The following KRT6A variants were observed in gnomAD, a reference collection of about 807,000 sequenced individuals.
KRT6A encodes the protein keratin 6A, also known as keratin, type II cytoskeletal 6A.
In KRT6A, 28 loss-of-function variants were observed where a neutral mutation model predicts 48.6. The observed-to-expected ratio is 0.58, with a 90% CI of 0.43 to 0.79. The LOEUF (loss-of-function observed/expected upper bound fraction) is 0.79. Ranked by LOEUF, KRT6A falls within the 30% of genes least tolerant of loss-of-function variation. The pLI, the probability that KRT6A is intolerant of heterozygous loss-of-function variation, is 0.00. For missense variants in KRT6A, 687 were observed against 724.3 expected (o/e 0.95, Z 0.59); for synonymous variants, 301 against 294.2 (o/e 1.02, Z -0.24).
At chr12:52,488,963 G>A (rs1489178596) in intron 6 of KRT6A, among the ~76,000 whole-genome samples, 1 of 152,180 alleles carries the variant, frequency 6.6e-6, no homozygotes, top group Non-Finnish European at 1.5e-5. Flanking sequence ...ACATGAGACT[G>A]CTGAGACCTT....
intron 1 of KRT6A, 112 bp from the exon 2 acceptor site, chr12:52,491,848 T>C (rs1387182598): frequency 1.0e-5 from 14 of 1,383,584 alleles, no homozygotes; most frequent in Admixed American, 3.9e-5. Flanking sequence ...GCTACTACAG[T>C]GCATGTAGAG....
rs752406296 is a variant in KRT6A at position 52,489,934 on chromosome 12, T to C, written c.1203+9A>G. The C allele has an allele frequency of 1.2e-5, 19 of 1,614,008 alleles. No individual in the cohort carries two copies. Among genetic ancestry groups the C allele is most frequent in the Non-Finnish European group, 1.5e-5 (18 of 1,180,022 alleles). Reference sequence around the variant, plus strand: ...AAATGCTTCTCTCCTCCATTGTCCCTCACCATACCTGCTTCTTGACGTGGT... The same window carrying C: ...AAATGCTTCTCTCCTCCATTGTCCCCCACCATACCTGCTTCTTGACGTGGT... On this transcript the variant is annotated intron_variant, in intron 6 of 8. Transcript: ENST00000330722.
chr12:52,487,869 A>T lies in KRT6A; in HGVS notation c.1546T>A (p.Ser516Thr). ...GLGLGGGSSY[S>T]YGSGLGVGGG... The stretch of plus-strand genomic sequence containing the variant: ...CCAACGCCAAGACCACTGCCATAGG[A>T]GTAGCTGCTTCCTCCACCCAGGCCT... The change falls in exon 9 of 9, where the codon TCC (serine) becomes ACC (threonine). Residue 516 changes from serine to threonine, a missense_variant. Physicochemically the swap from Ser to Thr is moderately conservative, Grantham distance 58. This residue lies in a region of KRT6A where 566 missense variants were observed against 565.3 expected (regional missense o/e 1.00). Coordinates refer to ENST00000330722, the MANE Select transcript of KRT6A (RefSeq NM_005554.4). The T allele has an allele frequency of 6.2e-7, 1 of 1,614,016 alleles. No individual in the cohort carries two copies. Among genetic ancestry groups the T allele is most frequent in the African/African-American group, 1.3e-5 (1 of 75,050 alleles).
rs778160585 is a variant in KRT6A at position 52,493,102 on chromosome 12, G to T, written c.87C>A (p.Ser29Arg). ...SANSARLPGV[S>R]RSGFSSVSVS... is the part of the protein sequence containing the mutation. Reference sequence around the variant, plus strand: ...CGGAGACGCTGCTGAAGCCAGAGCGGCTGACCCCAGGGAGCCTGGCTGAGT... The same window carrying T: ...CGGAGACGCTGCTGAAGCCAGAGCGTCTGACCCCAGGGAGCCTGGCTGAGT... The change falls in exon 1 of 9, where the codon AGC becomes AGA. Residue 29 changes from serine to arginine, a missense_variant. Physicochemically the swap from Ser to Arg is moderately radical, Grantham distance 110. Transcript: ENST00000330722. The T allele has an allele frequency of 5.1e-5, 82 of 1,613,838 alleles. 1 individual carries two copies. In the Middle Eastern group the frequency reaches 1.0e-3, roughly 20 times the overall value.
intron 4 of KRT6A, 37 bp from the exon 5 acceptor site, chr12:52,490,770 C>A: frequency 2.5e-6 from 4 of 1,614,040 alleles, no homozygotes; most frequent in Non-Finnish European, 3.4e-6. Context: ...ACTTCACTTC[C>A]GATATTTACA....
chr12:52,488,706 T>G (rs1478782693), intron 6 of KRT6A, among the ~76,000 whole-genome samples, 158 bp from the exon 7 acceptor site: 1 of 152,114 alleles, frequency 6.6e-6, no homozygotes, highest in East Asian at 1.9e-4. Flanking sequence ...ATTTTGCAGT[T>G]TTTGTCCAGT....
chr12:52,491,524 G>A lies in KRT6A; in HGVS notation c.753C>T (p.Asn251=), dbSNP rs1268066583. 6.2e-7 allele frequency: 1 copy of A among 1,614,120 alleles called. No homozygotes were observed. Among genetic ancestry groups the A allele is most frequent in the Non-Finnish European group, 8.5e-7 (1 of 1,180,006 alleles). The change falls in exon 2 of 9, where the codon AAC becomes AAT. Residue 251 remains asparagine (N), a splice_region_variant and synonymous_variant. Transcript: ENST00000330722. The part of the protein sequence containing the change: ...GMQDLVEDFK[N]KYEDEINKRT... ...TCCATTTCTCCTGTTTAACTCACTT[G>A]TTCTTGAAGTCCTCCACCAGGTCCT...
At position 52,491,635 on chromosome 12, in the gene KRT6A, G is replaced by C. The variant is rs767532911; in HGVS notation, c.642C>G (p.Phe214Leu). ...TCCTGAGGTTGTTGATGTACTGCTC[G>C]AACAACGGCTCCAGGTTCTGCCTCA... ...KTVRQNLEPL[F>L]EQYINNLRRQ... The change falls in exon 2 of 9, where the codon TTC becomes TTG. Residue 214 changes from phenylalanine (F) to leucine (L), a missense_variant. Coordinates refer to ENST00000330722, the MANE Select transcript of KRT6A (RefSeq NM_005554.4). 2 of 1,614,148 alleles carry C rather than the reference G, an allele frequency of 1.2e-6. No homozygotes were observed. The highest frequency in any genetic ancestry group is 1.7e-6 in the Non-Finnish European group (2 of 1,180,030).
At chr12:52,490,359 T>C in intron 5 of KRT6A, 1 of 964,938 alleles carries the variant, frequency 1.0e-6, no homozygotes, top group Non-Finnish European at 1.6e-6. Context: ...ACTATGTCCT[T>C]GTCTATGGTA....
At chr12:52,489,348 G>A (rs533215925) in intron 6 of KRT6A, among the ~76,000 whole-genome samples, 9 of 152,138 alleles carry the variant, frequency 5.9e-5, no homozygotes, top group East Asian at 3.9e-4. Context: ...GCGCGGTATC[G>A]ACTCACTGCA....
Position 52,487,948 on chromosome 12 carries a change from C to T in KRT6A, c.1467G>A (p.Val489=), listed in dbSNP as rs1251187418. ...EGVGQVNISV[V]QSTVSSGYGG... is the part of the protein sequence containing the mutation. ...CATAGCCACTGGAGACGGTGGACTG[C>T]ACCACAGCTGTGATGGGGAGGGGAC... is the stretch of plus-strand genomic sequence containing the variant. Residue 489 remains valine (V), a synonymous_variant, in exon 9 of 9, where the codon GTG becomes GTA. Coordinates refer to ENST00000330722, the MANE Select transcript of KRT6A (RefSeq NM_005554.4). 19 of 1,613,928 alleles carry T rather than the reference C, an allele frequency of 1.2e-5. No homozygotes were observed. The highest frequency in any genetic ancestry group is 4.0e-5 in the African/African-American group (3 of 74,940).
chr12:52,490,215 G>A, intron 5 of KRT6A, 147 bp from the exon 6 acceptor site: 1 of 1,495,786 alleles, frequency 6.7e-7, no homozygotes, highest in Non-Finnish European at 9.2e-7. Flanking sequence ...TATGTGGTTG[G>A]TGGATACTAA....
intron 2 of KRT6A, 43 bp downstream of exon 2, chr12:52,491,479 G>A (rs1938260683): frequency 6.2e-7 from 1 of 1,606,142 alleles, no homozygotes; most frequent in South Asian, 1.1e-5. Context: ...GTCTTGAAGT[G>A]TGTGCTGCAG....
Position 52,493,038 on chromosome 12 carries a change from A to G in KRT6A, c.151T>C (p.Cys51Arg), listed in dbSNP as rs1938301828. Residue 51 changes from cysteine (C) to arginine (R), a missense_variant, in exon 1 of 9, where the codon TGT becomes CGT. By Grantham distance (180) the Cys-to-Arg change is radical. Coordinates refer to ENST00000330722, the MANE Select transcript of KRT6A (RefSeq NM_005554.4). ...CGGCTGCCAAAGCCAGCTCCTCCAC[A>G]TGCACCACCCAGGCCACCACTGCCC... ...SRGSGGLGGA[C>R]GGAGFGSRSL... 4 of 1,612,010 alleles carry G rather than the reference A, an allele frequency of 2.5e-6. No homozygotes were observed. Among genetic ancestry groups the G allele is most frequent in the African/African-American group, 2.7e-5 (2 of 74,804 alleles).
chr12:52,492,148 G>T (rs773054411), intron 1 of KRT6A, among the ~76,000 whole-genome samples: 1 of 152,148 alleles, frequency 6.6e-6, no homozygotes, highest in African/African-American at 2.4e-5. Flanking sequence ...TTTCCCATTT[G>T]TGCAAGTCTC....
In KRT6A at chr12:52,490,493, C is replaced by G. The variant is rs1405886056; in HGVS notation, c.1077+76G>C. 1.2e-5 allele frequency: 20 copies of G among 1,611,406 alleles called. 1 individual carries two copies. In the African/African-American group the frequency reaches 2.3e-4, roughly 18 times the overall value. ...CCCCAGCTTCCTGTCAGGGGATGTC[C>G]CCAGTAAAGTCTGCAGTCCTCTGGT... On this transcript the variant is annotated intron_variant, in intron 5 of 8. Coordinates refer to ENST00000330722, the MANE Select transcript of KRT6A (RefSeq NM_005554.4).
At position 52,488,489 on chromosome 12, in the gene KRT6A, C is replaced by G; in HGVS notation, c.1263G>C (p.Lys421Asn). Residue 421 changes from lysine to asparagine, a missense_variant, in exon 7 of 9, where the codon AAG becomes AAC. Lys to Asn is a moderately conservative substitution (Grantham distance 94, BLOSUM62 0). Coordinates refer to ENST00000330722, the MANE Select transcript of KRT6A (RefSeq NM_005554.4). ...DAEQRGEMALKDAKNKLEGLE... is the reference protein window; with the variant it reads ...DAEQRGEMALNDAKNKLEGLE... ...GCCCTTCCAGCTTGTTCTTGGCATCCTTGAGGGCCATCTCCCCACGCTGCT... is the reference window on the plus strand; with the variant it reads ...GCCCTTCCAGCTTGTTCTTGGCATCGTTGAGGGCCATCTCCCCACGCTGCT... 6.2e-7 allele frequency: 1 copy of G among 1,614,134 alleles called. No individual in the cohort carries two copies. The highest frequency in any genetic ancestry group is 8.5e-7 in the Non-Finnish European group (1 of 1,180,032).
chr12:52,488,959 G>A (rs756333276), intron 6 of KRT6A, among the ~76,000 whole-genome samples: 17 of 152,192 alleles, frequency 1.1e-4, no homozygotes, highest in Admixed American at 3.3e-4. Flanking sequence ...CTTCACATGA[G>A]ACTGCTGAGA....
chr12:52,488,093 C>G lies in KRT6A; in HGVS notation c.1435G>C (p.Glu479Gln). 6.2e-7 allele frequency: 1 copy of G among 1,613,978 alleles called. No individual in the cohort carries two copies. Among genetic ancestry groups the G allele is most frequent in the Non-Finnish European group, 8.5e-7 (1 of 1,179,884 alleles). ...LEGEECRLNG[E>Q]GVGQVNISVV... ...CAGATGTTGACTTGTCCAACGCCTT[C>G]GCCATTCAGCCTGTGGAGAGGAACA... Residue 479 changes from glutamate to glutamine, a missense_variant, in exon 8 of 9, where the codon GAA becomes CAA. Around this residue, in one of 3 missense-constraint regions of KRT6A, gnomAD observed 566 missense variants for 565.3 expected, o/e 1.00. Transcript: ENST00000330722.
Sources: gnomAD v4.1 joint callset for allele counts (sites outside exome capture counted in the v4.1 genomes callset) on GRCh38, gnomAD v4.1.1 for gene constraint, gnomAD v4.1.1 regional missense constraint, MANE v1.5 for transcripts, NCBI Gene and HGNC (gene_info 2026-07-23, HGNC 2026-07-21) for gene names.